RYR2: variants seen among roughly 807,000 people sequenced by gnomAD.
The protein encoded by RYR2 is cardiac muscle ryanodine receptor-calcium release channel.
In RYR2, 227 loss-of-function variants were observed where a neutral mutation model predicts 601.1. The observed-to-expected ratio is 0.38, with a 90% confidence interval of 0.34 to 0.42. RYR2 has a LOEUF of 0.42. RYR2 is among the 10% of genes least tolerant of loss of function. The pLI is 1.00. For missense variants in RYR2, 4,646 were observed against 6,156.5 expected (o/e 0.75, Z 8.21); for synonymous variants, 2,223 against 2,175.1 (o/e 1.02, Z -0.61).
chr1:237,287,743 G>A (rs199742867), intron 2 of RYR2, among the ~76,000 whole-genome samples: 1 of 151,882 alleles, frequency 6.6e-6, no homozygotes, highest in African/African-American at 2.4e-5. Context: ...TTCCTTGCAC[G>A]GGGCTTTGCC....
chr1:237,662,487 T>C (rs1558166997), intron 56 of RYR2, among the ~76,000 whole-genome samples: 1 of 57,890 alleles, frequency 1.7e-5, no homozygotes, highest in Non-Finnish European at 4.1e-5. Context: ...GAGAAAGGGA[T>C]GTTTTTTTTT....
intron 13 of RYR2, among the ~76,000 whole-genome samples, chr1:237,445,005 TCTG>T (rs1708207111): frequency 6.6e-6 from 1 of 152,100 alleles, no homozygotes; most frequent in African/African-American, 2.4e-5. Flanking sequence ...GTGAAAAGGC[TCTG>T]CTGTTTGTTT....
chr1:237,373,392 A>G (rs533984909), intron 6 of RYR2, among the ~76,000 whole-genome samples: 65 of 152,202 alleles, frequency 4.3e-4, no homozygotes, highest in Non-Finnish European at 9.0e-4. Context: ...CGATTGGTTC[A>G]TCTGCCTTCT....
Position 237,819,285 on chromosome 1 carries a change from T to A in RYR2, c.14590+93T>A. On this transcript the variant is annotated intron_variant, in intron 101 of 104. Transcript: ENST00000366574. The surrounding 1 kb of genome is among the most constrained non-coding windows in gnomAD (Gnocchi z 4.0). ...TTCAAGGTAGGGTAATGACGTCAAG[T>A]GTTTCCTGGCAAAGCCAAATCAAAC... 1.6e-6 allele frequency: 2 copies of A among 1,220,838 alleles called. No homozygotes were observed. The highest frequency in any genetic ancestry group is 3.8e-5 in the Admixed American group (2 of 52,656). The allele number at this position is 1,220,838 out of a possible 1,614,324, so 75.6% of individuals were successfully genotyped here. A position where few individuals can be genotyped will look rare whatever the true frequency, so the allele number is the denominator to read the frequency against.
intron 10 of RYR2, among the ~76,000 whole-genome samples, chr1:237,400,729 G>A (rs1703277550): frequency 6.6e-6 from 1 of 151,890 alleles, no homozygotes; most frequent in East Asian, 1.9e-4. Context: ...AACTAATAAA[G>A]GTAGACACTC....
intron 22 of RYR2, among the ~76,000 whole-genome samples, chr1:237,504,498 A>G (rs1665007646): frequency 6.6e-6 from 1 of 152,072 alleles, no homozygotes; most frequent in African/African-American, 2.4e-5. Flanking sequence ...GGCTATTTTT[A>G]CTTCTTTTGT....
Position 237,614,808 on chromosome 1 carries a change from C to A in RYR2, c.5680C>A (p.Leu1894Ile), listed in dbSNP as rs555692728. 1.8e-4 allele frequency: 282 copies of A among 1,592,092 alleles called. 6 individuals carry two copies. The South Asian group carries it at 3.2e-3, about 18-fold the overall frequency. ...GGGCAAGCGGCCCAAGGAAGGCCTG[C>A]TCCAAATGAAACTGCCAGAGCCAGT... Reference protein sequence around the residue: ...KGGKRPKEGLLQMKLPEPVKL... With the variant: ...KGGKRPKEGLIQMKLPEPVKL... Residue 1894 changes from leucine to isoleucine, a missense_variant, in exon 37 of 105, where the codon CTC becomes ATC. This residue lies in a region of RYR2 where 1,807 missense variants were observed against 2,088.1 expected (regional missense o/e 0.87). Transcript: ENST00000366574. This position sits in a 1 kb window ranked among gnomAD's most constrained non-coding sequence, Gnocchi z 4.3.
At chr1:237,755,740 G>T (rs1238483083) in intron 80 of RYR2, among the ~76,000 whole-genome samples, 1 of 152,058 alleles carries the variant, frequency 6.6e-6, no homozygotes, top group East Asian at 1.9e-4. Flanking sequence ...ATTCTTTGGG[G>T]GTGACTGGGG....
chr1:237,166,794 A>G (rs1269276754), intron 1 of RYR2, among the ~76,000 whole-genome samples: 1 of 152,188 alleles, frequency 6.6e-6, no homozygotes, highest in Non-Finnish European at 1.5e-5. Context: ...TGCCTTACAT[A>G]TTGGTTCAGA....
intron 29 of RYR2, among the ~76,000 whole-genome samples, chr1:237,579,900 CAGCAACAATAA>C (rs1673700778): frequency 6.6e-6 from 1 of 152,010 alleles, no homozygotes; most frequent in Admixed American, 6.6e-5. Flanking sequence ...AAAACAAAAC[CAGCAACAATAA>C]AGTTGGAAAA....
In RYR2 at chr1:237,833,564, C is replaced by T. The variant is rs920454804; in HGVS notation, c.*917C>T. Reference sequence around the variant, plus strand: ...AAGTTGATCAACGTGAGAGAAATTTCATGATAATTATTCATAGTAATAAAG... The same window carrying T: ...AAGTTGATCAACGTGAGAGAAATTTTATGATAATTATTCATAGTAATAAAG... On this transcript the variant is annotated 3_prime_UTR_variant, in exon 105 of 105. Coordinates refer to ENST00000366574, the MANE Select transcript of RYR2 (RefSeq NM_001035.3). 2 of 152,658 alleles carry T rather than the reference C, an allele frequency of 1.3e-5. No homozygotes were observed. The highest frequency in any genetic ancestry group is 6.5e-5 in the Admixed American group (1 of 15,284). The allele number at this position is 152,658 out of a possible 1,614,324, so 9.5% of individuals were successfully genotyped here. A position where few individuals can be genotyped will look rare whatever the true frequency, so the allele number is the denominator to read the frequency against.
rs929068362 is a variant in RYR2 at position 237,743,678 on chromosome 1, A to C, written c.11145+1329A>C. 2.2e-4 allele frequency: 113 copies of C among 508,764 alleles called. 1 individual carries two copies. The highest frequency in any genetic ancestry group is 1.5e-4 in the African/African-American group (8 of 51,660). The allele number at this position is 508,764 out of a possible 1,614,324, so 31.5% of individuals were successfully genotyped here. A position where few individuals can be genotyped will look rare whatever the true frequency, so the allele number is the denominator to read the frequency against. ...TGGGTCTGAGTTTCGGTTTCTTGTG[A>C]CATTTACCTTTGTTAGACCCAACAT... On this transcript the variant is annotated intron_variant, in intron 80 of 104. Coordinates refer to ENST00000366574, the MANE Select transcript of RYR2 (RefSeq NM_001035.3).
At chr1:237,818,996 T>G in intron 100 of RYR2, 40 bp from the exon 101 acceptor site, 3 of 1,570,340 alleles carry the variant, frequency 1.9e-6, no homozygotes, top group South Asian at 1.2e-5. Context: ...AAAAAATGGG[T>G]AATGTCCCTC....
rs1257995704 is a variant in RYR2, at chr1:237,441,828, T to G, written c.1170+345T>G. The stretch of plus-strand genomic sequence containing the variant: ...CCTTGCTTACAGGAAGAGGCCCACT[T>G]TTTGAGGTCCCCAGAAGCCAACAAG... On this transcript the variant is annotated intron_variant, in intron 13 of 104. Coordinates refer to ENST00000366574, the MANE Select transcript of RYR2 (RefSeq NM_001035.3). 3.9e-5 allele frequency among the ~76,000 whole-genome samples: 6 copies of G among 152,176 alleles called. No individual in the cohort carries two copies. In the East Asian group the frequency reaches 1.2e-3, roughly 29 times the overall value.
chr1:237,219,467 A>T (rs1683556899), intron 1 of RYR2, among the ~76,000 whole-genome samples: 1 of 151,956 alleles, frequency 6.6e-6, no homozygotes, highest in South Asian at 2.1e-4. Flanking sequence ...TTTTTCCAGA[A>T]CCCTCTTGCC....
intron 2 of RYR2, among the ~76,000 whole-genome samples, chr1:237,324,168 C>T (rs1323416736): frequency 1.3e-5 from 2 of 152,134 alleles, no homozygotes; most frequent in African/African-American, 2.4e-5. Context: ...TTCCTTTCTA[C>T]AGTATTTCCT....
At chr1:237,299,418 G>T (rs1227526555) in intron 2 of RYR2, among the ~76,000 whole-genome samples, 1 of 152,088 alleles carries the variant, frequency 6.6e-6, no homozygotes, top group African/African-American at 2.4e-5. Context: ...ATAAGAGAAG[G>T]AATTATACAA....
chr1:237,758,451 CG>C (rs1693135862), intron 82 of RYR2, among the ~76,000 whole-genome samples: 1 of 152,058 alleles, frequency 6.6e-6, no homozygotes, highest in African/African-American at 2.4e-5. Context: ...TCACACCCCC[CG>C]TAAATGGCTA....
At chr1:237,683,283 C>T (rs966331391) in intron 62 of RYR2, among the ~76,000 whole-genome samples, 7 of 152,152 alleles carry the variant, frequency 4.6e-5, no homozygotes, top group Admixed American at 4.6e-4. Flanking sequence ...CCAATGTTTC[C>T]ATGAGATGTT....
Sources: allele counts gnomAD v4.1 joint callset (sites outside exome capture counted in the v4.1 genomes callset), GRCh38; gene constraint gnomAD v4.1.1; regional missense constraint gnomAD v4.1.1; non-coding constraint Gnocchi (gnomAD v3.1); transcripts MANE v1.5; gene names NCBI Gene and HGNC (gene_info 2026-07-23, HGNC 2026-07-21).